GIMAP7: variants seen among roughly 807,000 people sequenced by gnomAD.
GIMAP7 encodes the protein GTPase, IMAP family member 7.
For synonymous variants in GIMAP7, 137 were observed against 129.3 expected (o/e 1.06, Z -0.40); for missense variants, 323 against 359.7 (o/e 0.90, Z 0.83).
chr7:150,516,396 A>G (rs1585136540), intron 1 of GIMAP7, among the ~76,000 whole-genome samples: 2 of 152,220 alleles, frequency 1.3e-5, no homozygotes, highest in African/African-American at 4.8e-5. Flanking sequence ...TCTCAACTCT[A>G]TCACAGATTA....
chr7:150,521,029 T>TATATATAC lies in GIMAP7; in HGVS notation c.*153_*154insTATATACA, dbSNP rs369111955. On this transcript the variant is annotated 3_prime_UTR_variant, in exon 2 of 2. Coordinates refer to ENST00000313543, the MANE Select transcript of GIMAP7 (RefSeq NM_153236.4). ...TGATTTTTAAATATATATATATATA[T>TATATATAC]ACACACATTGTGAAATAATGAAATA... 0.012 allele frequency: 2,962 copies of TATATATAC among 241,140 alleles called. 66 individuals carry two copies. Among genetic ancestry groups the TATATATAC allele is most frequent in the African/African-American group, 0.055 (2,282 of 41,766 alleles). 14.9% of individuals were successfully genotyped at this position (241,140 alleles called of 1,614,324 possible).
intron 1 of GIMAP7, among the ~76,000 whole-genome samples, chr7:150,515,397 C>T (rs1267923773): frequency 6.6e-6 from 1 of 152,198 alleles, no homozygotes; most frequent in Non-Finnish European, 1.5e-5. Flanking sequence ...CACTAGAATT[C>T]AGTCTGCTGA....
In GIMAP7 at chr7:150,520,882, C is replaced by T. The variant is rs150236188; in HGVS notation, c.*5C>T. The stretch of plus-strand genomic sequence containing the variant: ...TGTAAGTTTTATTCTTCCTAATTTA[C>T]TGTGATTTGTTAATGGATGAATTGT... On this transcript the variant is annotated 3_prime_UTR_variant, in exon 2 of 2. Transcript: ENST00000313543. 5,527 of 1,398,122 alleles carry T rather than the reference C, an allele frequency of 4.0e-3. 62 individuals carry two copies. Among genetic ancestry groups the T allele is most frequent in the Middle Eastern group, 0.025 (135 of 5,322 alleles). The allele number at this position is 1,398,122 out of a possible 1,614,324, so 86.6% of individuals were successfully genotyped here. A position where few individuals can be genotyped will look rare whatever the true frequency, so the allele number is the denominator to read the frequency against.
intron 1 of GIMAP7, among the ~76,000 whole-genome samples, chr7:150,516,399 A>G (rs1378346991): frequency 2.0e-5 from 3 of 152,198 alleles, no homozygotes; most frequent in Non-Finnish European, 4.4e-5. Context: ...CAACTCTATC[A>G]CAGATTATTT....
chr7:150,515,880 C>G (rs932918242), intron 1 of GIMAP7, among the ~76,000 whole-genome samples: 1 of 152,216 alleles, frequency 6.6e-6, no homozygotes, highest in African/African-American at 2.4e-5. Context: ...CCCAGCTCAC[C>G]TTTTTGCAGA....
intron 1 of GIMAP7, among the ~76,000 whole-genome samples, chr7:150,516,431 C>T (rs1403475616): frequency 1.3e-5 from 2 of 152,170 alleles, no homozygotes; most frequent in Admixed American, 1.3e-4. Context: ...TCAGACATTA[C>T]ATCATTTTAT....
At chr7:150,519,831 A>T in intron 1 of GIMAP7, 103 bp from the exon 2 acceptor site, 1 of 644,372 alleles carries the variant, frequency 1.6e-6, no homozygotes, top group Non-Finnish European at 2.7e-6. Flanking sequence ...GGATAATAGG[A>T]TATTACAAAT....
In GIMAP7 at chr7:150,520,836, T is replaced by C. The variant is rs779948884; in HGVS notation, c.862T>C (p.Trp288Arg). ...NRIWKMLSEI[W>R]HRFLSKCKFY... The stretch of plus-strand genomic sequence containing the variant: ...GATTTGGAAGATGCTTTCAGAAATA[T>C]GGCATAGGTTTTTGTCGAAATGTAA... Residue 288 changes from tryptophan (W) to arginine (R), a missense_variant, in exon 2 of 2, where the codon TGG becomes CGG. By Grantham distance (101) the Trp-to-Arg change is moderately radical. Coordinates refer to ENST00000313543, the MANE Select transcript of GIMAP7 (RefSeq NM_153236.4). 2.7e-6 allele frequency: 4 copies of C among 1,491,758 alleles called. No individual in the cohort carries two copies. The highest frequency in any genetic ancestry group is 1.8e-6 in the Non-Finnish European group (2 of 1,119,410). 92.4% of individuals were successfully genotyped at this position (1,491,758 alleles called of 1,614,324 possible).
chr7:150,518,257 G>A (rs1795153939), intron 1 of GIMAP7, among the ~76,000 whole-genome samples: 2 of 152,030 alleles, frequency 1.3e-5, no homozygotes, highest in African/African-American at 4.8e-5. Context: ...TCAAGGTATT[G>A]CCACCTTCTC....
intron 1 of GIMAP7, among the ~76,000 whole-genome samples, chr7:150,515,353 C>T (rs1428579265): frequency 6.6e-6 from 1 of 152,140 alleles, no homozygotes; most frequent in Non-Finnish European, 1.5e-5. Flanking sequence ...TGATGATTCT[C>T]CAAGGGGTAC....
intron 1 of GIMAP7, among the ~76,000 whole-genome samples, chr7:150,517,363 A>G (rs1795145137): frequency 6.6e-6 from 1 of 152,144 alleles, no homozygotes; most frequent in African/African-American, 2.4e-5. Flanking sequence ...TTCTGATAAA[A>G]CTAAGTAATT....
At chr7:150,518,171 A>G (rs1795153300) in intron 1 of GIMAP7, among the ~76,000 whole-genome samples, 2 of 151,994 alleles carry the variant, frequency 1.3e-5, no homozygotes, top group Non-Finnish European at 2.9e-5. Flanking sequence ...TCCTTTCTGT[A>G]TTTTTGTCAG....
rs1180185394 is a variant in GIMAP7, at chr7:150,520,109, GA to G, written c.137del (p.Asn46ThrfsTer17). 1 of 1,614,052 alleles carries G rather than the reference GA, an allele frequency of 6.2e-7. No individual in the cohort carries two copies. Among genetic ancestry groups the G allele is most frequent in the Non-Finnish European group, 8.5e-7 (1 of 1,180,046 alleles). ...GAATTGCTGCCCAAGCTGTTACCAAGAACTGTCAAAAAGCATCCCGGGAATG... is the reference window on the plus strand; with the variant it reads ...GAATTGCTGCCCAAGCTGTTACCAAGACTGTCAAAAAGCATCCCGGGAATG... Reference protein sequence around the residue: ...SRIAAQAVTKNCQKASREWQG... With the variant: ...SRIAAQAVTKXCQKASREWQG... On this transcript the variant is annotated frameshift_variant, in exon 2 of 2. Coordinates refer to ENST00000313543, the MANE Select transcript of GIMAP7 (RefSeq NM_153236.4). LOFTEE classifies it low-confidence loss of function (END_TRUNC).
intron 1 of GIMAP7, among the ~76,000 whole-genome samples, chr7:150,517,308 C>T (rs981858505): frequency 6.6e-6 from 1 of 152,120 alleles, no homozygotes; most frequent in Admixed American, 6.5e-5. Context: ...TCAAATTATT[C>T]CATCTTTGTC....
intron 1 of GIMAP7, among the ~76,000 whole-genome samples, chr7:150,518,348 A>C (rs1268284581): frequency 6.6e-6 from 1 of 152,142 alleles, no homozygotes; most frequent in Non-Finnish European, 1.5e-5. Flanking sequence ...TTACCACCAG[A>C]TTATGCTGGG....
chr7:150,520,567 G>A lies in GIMAP7; in HGVS notation c.593G>A (p.Gly198Glu). ...LIEKMVQCNE[G>E]AYFSDDIYKD... ...GAGAAAATGGTGCAGTGCAACGAAG[G>A]GGCTTACTTTTCTGATGACATATAC... The change falls in exon 2 of 2, where the codon GGG (glycine) becomes GAG (glutamate). Residue 198 changes from glycine to glutamate, a missense_variant. By Grantham distance (98) the Gly-to-Glu change is moderately conservative (BLOSUM62 -2). Coordinates refer to ENST00000313543, the MANE Select transcript of GIMAP7 (RefSeq NM_153236.4). The A allele has an allele frequency of 1.2e-6, 2 of 1,614,150 alleles. No homozygotes were observed. Among genetic ancestry groups the A allele is most frequent in the Non-Finnish European group, 1.7e-6 (2 of 1,180,034 alleles).
Position 150,520,008 on chromosome 7 carries a change from G to C in GIMAP7, c.34G>C (p.Val12Leu). 6.2e-7 allele frequency: 1 copy of C among 1,614,164 alleles called. No homozygotes were observed. Among genetic ancestry groups the C allele is most frequent in the African/African-American group, 1.3e-5 (1 of 75,038 alleles). The change falls in exon 2 of 2, where the codon GTT becomes CTT. Residue 12 changes from valine to leucine, a missense_variant. Coordinates refer to ENST00000313543, the MANE Select transcript of GIMAP7 (RefSeq NM_153236.4). Reference protein sequence around the residue: ...AESEDRSLRIVLVGKTGSGKS... With the variant: ...AESEDRSLRILLVGKTGSGKS... ...GAGTGAGGACCGCTCCCTGAGGATC[G>C]TTCTGGTAGGGAAAACTGGAAGTGG...
At position 150,520,505 on chromosome 7, in the gene GIMAP7, G is replaced by C. The variant is rs758588263; in HGVS notation, c.531G>C (p.Glu177Asp). 18 of 1,614,114 alleles carry C rather than the reference G, an allele frequency of 1.1e-5. No individual in the cohort carries two copies. The highest frequency in any genetic ancestry group is 1.5e-5 in the Non-Finnish European group (18 of 1,180,058). ...FSNSKKTSKA[E>D]KESQVQELVE... Reference sequence around the variant, plus strand: ...ACAGCAAGAAAACCAGTAAGGCAGAGAAGGAAAGTCAAGTGCAGGAGTTGG... The same window carrying C: ...ACAGCAAGAAAACCAGTAAGGCAGACAAGGAAAGTCAAGTGCAGGAGTTGG... Residue 177 changes from glutamate (E) to aspartate (D), a missense_variant, in exon 2 of 2, where the codon GAG becomes GAC. By Grantham distance (45) the Glu-to-Asp change is conservative (BLOSUM62 2). Coordinates refer to ENST00000313543, the MANE Select transcript of GIMAP7 (RefSeq NM_153236.4).
intron 1 of GIMAP7, among the ~76,000 whole-genome samples, chr7:150,516,586 A>T (rs1046058909): frequency 2.0e-5 from 3 of 152,226 alleles, no homozygotes; most frequent in Non-Finnish European, 2.9e-5. Flanking sequence ...CATAATTTTT[A>T]AAATTGTTTG....
Sources: allele counts gnomAD v4.1 joint callset (sites outside exome capture counted in the v4.1 genomes callset), GRCh38; gene constraint gnomAD v4.1.1; transcripts MANE v1.5; gene names NCBI Gene and HGNC (gene_info 2026-07-23, HGNC 2026-07-21).